Variants in NDUFAF5 observed in about 807,000 individuals in gnomAD.
NDUFAF5 encodes NADH:ubiquinone oxidoreductase complex assembly factor 5.
Under a neutral mutation model 48.9 loss-of-function variants are expected in NDUFAF5, and 34 were observed. The ratio of observed to expected loss-of-function variants is 0.70; its 90% CI spans 0.53 to 0.93. NDUFAF5 has a LOEUF of 0.93. Ranked by LOEUF, NDUFAF5 falls within the 40% of genes least tolerant of loss-of-function variation. The probability of loss-of-function intolerance (pLI) is 0.00; values close to 1 mark genes in which losing one functional copy is unlikely to be tolerated. For missense variants in NDUFAF5, 428 were observed against 427.5 expected (o/e 1.00, Z -0.01); for synonymous variants, 153 against 150.6 (o/e 1.02, Z -0.12).
chr20:13,794,664 T>C (rs1268088596), intron 4 of NDUFAF5, among the ~76,000 whole-genome samples, 174 bp from the exon 5 acceptor site: 1 of 152,232 alleles, frequency 6.6e-6, no homozygotes, highest in Non-Finnish European at 1.5e-5. Context: ...TTCTGGCTGA[T>C]GTTAAGTCAT....
At chr20:13,817,067 G>T (rs1464703327) in intron 10 of NDUFAF5, 51 bp from the exon 11 acceptor site, 1 of 1,571,812 alleles carries the variant, frequency 6.4e-7, no homozygotes, top group African/African-American at 1.3e-5. Context: ...TTTAATTGGG[G>T]CTGTGTATTA....
chr20:13,786,223 C>T (rs1031823473), intron 1 of NDUFAF5, among the ~76,000 whole-genome samples: 4 of 152,196 alleles, frequency 2.6e-5, no homozygotes, highest in Admixed American at 2.6e-4. Context: ...ATAGCTTGAG[C>T]AGAGCTCTGT....
Position 13,809,677 on chromosome 20 carries a change from G to A in NDUFAF5, c.778+775G>A, listed in dbSNP as rs369113623. Among the ~76,000 whole-genome samples the A allele has an allele frequency of 4.6e-5, 7 of 152,362 alleles. No individual in the cohort carries two copies. The East Asian group carries it at 9.6e-4, about 21-fold the overall frequency. The stretch of plus-strand genomic sequence containing the variant: ...CTTGAGGCATCTTAGAGAGGTAACA[G>A]TATCAGACTTGGATTTTGAAAAGAG... On this transcript the variant is annotated intron_variant, in intron 8 of 10. Transcript: ENST00000378106.
At chr20:13,788,673 A>G in intron 3 of NDUFAF5, 21 bp downstream of exon 3, 1 of 1,521,922 alleles carries the variant, frequency 6.6e-7, no homozygotes, top group Non-Finnish European at 9.1e-7. Flanking sequence ...TCAATGACCT[A>G]ATTTACTTTG....
chr20:13,790,096 G>A (rs992731999), intron 3 of NDUFAF5, among the ~76,000 whole-genome samples: 1 of 152,084 alleles, frequency 6.6e-6, no homozygotes, highest in African/African-American at 2.4e-5. Context: ...GTGATATAGT[G>A]ATGTTTAAGG....
intron 7 of NDUFAF5, among the ~76,000 whole-genome samples, chr20:13,808,014 C>T (rs1238042523): frequency 6.6e-6 from 1 of 152,078 alleles, no homozygotes; most frequent in African/African-American, 2.4e-5. Flanking sequence ...TAGTGCCTAA[C>T]ACAATAAAGT....
Position 13,798,521 on chromosome 20 carries a change from TC to T in NDUFAF5, c.519+22del, listed in dbSNP as rs748064805. On this transcript the variant is annotated intron_variant, in intron 6 of 10. Transcript: ENST00000378106. ...AGCAGGTAAGAAAACTTATGTTCAT[TC>T]AACTATCTTGTGTTATTTTCTTTAT... The T allele has an allele frequency of 6.4e-5, 101 of 1,565,910 alleles. No homozygotes were observed. The South Asian group carries it at 1.1e-3, about 17-fold the overall frequency.
At chr20:13,800,507 AGT>A (rs1461859396) in intron 6 of NDUFAF5, among the ~76,000 whole-genome samples, 5 of 152,230 alleles carry the variant, frequency 3.3e-5, no homozygotes, top group Non-Finnish European at 7.3e-5. Context: ...GTAGTCTGAG[AGT>A]GAGCAAAATC....
Position 13,816,945 on chromosome 20 carries a change from T to C in NDUFAF5, c.933T>C (p.Tyr311=), listed in dbSNP as rs15415. The change falls in exon 10 of 11, where the codon TAT becomes TAC. Residue 311 remains tyrosine, a synonymous_variant. Transcript: ENST00000378106. The stretch of plus-strand genomic sequence containing the variant: ...TCTATTACATGATAGGATGGAAATA[T>C]CATGAGTCACAGGTAACGTTACTAA... ...YQIYYMIGWK[Y]HESQARPAER... is the part of the protein sequence containing the mutation. The C allele has an allele frequency of 8.1e-6, 13 of 1,607,724 alleles. No individual in the cohort carries two copies. The highest frequency in any genetic ancestry group is 1.3e-5 in the African/African-American group (1 of 74,924).
Position 13,809,008 on chromosome 20 carries a change from G to T in NDUFAF5, c.778+106G>T. 3 of 764,220 alleles carry T rather than the reference G, an allele frequency of 3.9e-6. No homozygotes were observed. In the South Asian group the frequency reaches 4.3e-5, roughly 11 times the overall value. 47.3% of individuals were successfully genotyped at this position (764,220 alleles called of 1,614,324 possible). A position where few individuals can be genotyped will look rare whatever the true frequency, so the allele number is the denominator to read the frequency against. ...AAACATTTTGAGAGCCAGCTCTTTG[G>T]CAGGCACTGGGCAAAGCACTAGGGA... On this transcript the variant is annotated intron_variant, in intron 8 of 10. Coordinates refer to ENST00000378106, the MANE Select transcript of NDUFAF5 (RefSeq NM_024120.5).
chr20:13,786,715 C>G (rs1273836077), intron 1 of NDUFAF5, among the ~76,000 whole-genome samples: 1 of 152,094 alleles, frequency 6.6e-6, no homozygotes, highest in East Asian at 1.9e-4. Flanking sequence ...TTATTGCTAC[C>G]AGATGAAGCT....
Position 13,788,826 on chromosome 20 carries a change from G to A in NDUFAF5, c.327+174G>A, listed in dbSNP as rs576532143. On this transcript the variant is annotated intron_variant, in intron 3 of 10. Transcript: ENST00000378106. ...CAATGGTGGTTTTCTCCCTTCTTTA[G>A]AATTTTTTTCTTAAAGGGTTTTTCT... Among the ~76,000 whole-genome samples the A allele has an allele frequency of 2.7e-5, 4 of 150,728 alleles. No individual in the cohort carries two copies. The East Asian group carries it at 7.8e-4, about 29-fold the overall frequency.
At chr20:13,790,712 T>C (rs912826453) in intron 3 of NDUFAF5, among the ~76,000 whole-genome samples, 2 of 152,230 alleles carry the variant, frequency 1.3e-5, no homozygotes, top group African/African-American at 4.8e-5. Flanking sequence ...GATCCCATCT[T>C]CTTCCTTTCA....
chr20:13,801,130 A>G (rs1212887164), intron 6 of NDUFAF5, among the ~76,000 whole-genome samples: 1 of 152,196 alleles, frequency 6.6e-6, no homozygotes, highest in African/African-American at 2.4e-5. Flanking sequence ...CAGAGGCCAT[A>G]GATGCAGGGA....
At chr20:13,801,000 T>C (rs1984028805) in intron 6 of NDUFAF5, among the ~76,000 whole-genome samples, 1 of 152,166 alleles carries the variant, frequency 6.6e-6, no homozygotes, top group Admixed American at 6.5e-5. Context: ...GACGTGGAAC[T>C]GGCACACTGT....
intron 5 of NDUFAF5, among the ~76,000 whole-genome samples, chr20:13,797,968 C>A (rs996802585): frequency 2.0e-5 from 3 of 152,132 alleles, no homozygotes; most frequent in Admixed American, 6.5e-5. Flanking sequence ...CTCACAGATT[C>A]AAACTTTTGA....
chr20:13,817,037 T>C, intron 10 of NDUFAF5, 80 bp downstream of exon 10: 1 of 1,535,056 alleles, frequency 6.5e-7, no homozygotes, highest in African/African-American at 1.4e-5. Flanking sequence ...GAAGGGGTAA[T>C]GTAAGACAGC....
chr20:13,802,485 G>A (rs772738363), intron 7 of NDUFAF5, among the ~76,000 whole-genome samples: 1 of 151,942 alleles, frequency 6.6e-6, no homozygotes, highest in African/African-American at 2.4e-5. Flanking sequence ...CTTGGCCAAC[G>A]TAGTGAAACC....
At chr20:13,785,410 C>T (rs376824893) in intron 1 of NDUFAF5, 120 bp downstream of exon 1, 7 of 817,740 alleles carry the variant, frequency 8.6e-6, no homozygotes, top group African/African-American at 6.8e-5. Flanking sequence ...GACCAGCAGC[C>T]CTGCCTCTTT....
Sources: allele counts gnomAD v4.1 joint callset (sites outside exome capture counted in the v4.1 genomes callset), GRCh38; gene constraint gnomAD v4.1.1; transcripts MANE v1.5; gene names NCBI Gene and HGNC (gene_info 2026-07-23, HGNC 2026-07-21).